The following SLC5A4 variants were observed in gnomAD, a reference collection of about 807,000 sequenced individuals.
SLC5A4 encodes solute carrier family 5 member 4.
A neutral mutation model predicts 70.3 loss-of-function variants in SLC5A4; 55 were observed. The observed-to-expected ratio is 0.78, with a 90% CI of 0.63 to 0.98. The LOEUF is 0.98. Ranked by LOEUF, SLC5A4 falls within the 50% of genes least tolerant of loss-of-function variation. The pLI, the probability that SLC5A4 is intolerant of heterozygous loss-of-function variation, is 0.00. For synonymous variants in SLC5A4, 268 were observed against 305.7 expected (o/e 0.88, Z 1.29); for missense variants, 735 against 839.2 (o/e 0.88, Z 1.53).
the SLC5A4 span, among the ~76,000 whole-genome samples, chr22:32,264,005 T>C: frequency 6.6e-6 from 1 of 151,714 alleles, no homozygotes; most frequent in Admixed American, 6.6e-5. Context: ...CAATAACACA[T>C]GAACATAGAA....
At chr22:32,347,300 T>C in the SLC5A4 span, among the ~76,000 whole-genome samples, 5 of 152,050 alleles carry the variant, frequency 3.3e-5, no homozygotes, top group Non-Finnish European at 7.4e-5. Context: ...AGTGTGGAGA[T>C]TCCTCACGGA....
chr22:32,320,359 G>A, the SLC5A4 span, among the ~76,000 whole-genome samples: 4,023 of 152,254 alleles, frequency 0.026, 52 homozygotes, highest in Admixed American at 0.035. Context: ...GCAGTCTCAC[G>A]TAACGATTAT....
the SLC5A4 span, among the ~76,000 whole-genome samples, chr22:32,306,959 A>G: frequency 0.14 from 21,930 of 152,190 alleles, 1,799 homozygotes; most frequent in East Asian, 0.33. Flanking sequence ...CAGGGTGGCC[A>G]TGTCATCCAT....
chr22:32,312,357 GCGCGCGCGCACACACACACACACACACA>G, the SLC5A4 span, among the ~76,000 whole-genome samples: 4 of 105,066 alleles, frequency 3.8e-5, no homozygotes, highest in African/African-American at 1.3e-4. Flanking sequence ...CAAATCACAC[GCGCGCGCGCACACACACACACACACACA>G]CGCACATTCA....
At chr22:32,336,166 G>A in the SLC5A4 span, among the ~76,000 whole-genome samples, 15,154 of 152,102 alleles carry the variant, frequency 0.1, 816 homozygotes, top group East Asian at 0.15. Flanking sequence ...TTGGTTTTTG[G>A]GAACATTACT....
the SLC5A4 span, among the ~76,000 whole-genome samples, chr22:32,312,743 G>C: frequency 3.3e-5 from 5 of 152,056 alleles, no homozygotes; most frequent in African/African-American, 1.2e-4. Flanking sequence ...CATCTCTGTA[G>C]AAGTTGTCCT....
At chr22:32,324,527 T>G in the SLC5A4 span, among the ~76,000 whole-genome samples, 5 of 152,050 alleles carry the variant, frequency 3.3e-5, no homozygotes, top group Non-Finnish European at 7.4e-5. Context: ...CCCTCCCCTA[T>G]CTCCACCTAG....
chr22:32,336,080 T>C, the SLC5A4 span, among the ~76,000 whole-genome samples: 3 of 152,146 alleles, frequency 2.0e-5, no homozygotes, highest in Non-Finnish European at 4.4e-5. Flanking sequence ...ACAAAGGAAA[T>C]AAATTCCTTA....
the SLC5A4 span, among the ~76,000 whole-genome samples, chr22:32,334,700 C>T: frequency 1.3e-5 from 2 of 152,340 alleles, no homozygotes; most frequent in Admixed American, 6.5e-5. Flanking sequence ...ATGCTGTCAA[C>T]GGTGAGATGT....
chr22:32,330,755 A>AGCTCTGGTGTATGTGTTGGGG, the SLC5A4 span, among the ~76,000 whole-genome samples: 3 of 48,798 alleles, frequency 6.1e-5, no homozygotes, highest in African/African-American at 1.8e-4. Flanking sequence ...GTGTGTTGGA[A>AGCTCTGGTGTATGTGTTGGGG]GCTCTGGTGT....
At chr22:32,271,784 C>A in the SLC5A4 span, 6 of 595,684 alleles carry the variant, frequency 1.0e-5, no homozygotes, top group Admixed American at 1.3e-4. Flanking sequence ...ACAGGGCAAA[C>A]TGAGGATCAG....
chr22:32,232,538 G>C (rs2123891609), intron 9 of SLC5A4, among the ~76,000 whole-genome samples: 1 of 152,238 alleles, frequency 6.6e-6, no homozygotes, highest in East Asian at 1.9e-4. Flanking sequence ...CTCAGTCAGA[G>C]ATGTCACCAA....
At chr22:32,231,799 G>A (rs1232485264) in intron 9 of SLC5A4, among the ~76,000 whole-genome samples, 1 of 151,962 alleles carries the variant, frequency 6.6e-6, no homozygotes, top group Admixed American at 6.5e-5. Flanking sequence ...CCCAAGTTTT[G>A]AGATAGTCTT....
the SLC5A4 span, among the ~76,000 whole-genome samples, chr22:32,286,236 C>A: frequency 1.8e-4 from 28 of 152,316 alleles, no homozygotes; most frequent in East Asian, 2.5e-3. Flanking sequence ...ATATTCTAAT[C>A]TGTCACTCTT....
chr22:32,270,297 C>A, the SLC5A4 span: 1 of 830,638 alleles, frequency 1.2e-6, no homozygotes, highest in Non-Finnish European at 2.1e-6. Flanking sequence ...CTGAGCCGGA[C>A]CTGGAGATTG....
At chr22:32,234,464 C>T (rs769149374) in intron 8 of SLC5A4, among the ~76,000 whole-genome samples, 1 of 151,996 alleles carries the variant, frequency 6.6e-6, no homozygotes, top group Non-Finnish European at 1.5e-5. Context: ...TTTGAGAGGC[C>T]GAGGCGGGCA....
At chr22:32,320,266 T>A in the SLC5A4 span, among the ~76,000 whole-genome samples, 22 of 152,324 alleles carry the variant, frequency 1.4e-4, no homozygotes, top group South Asian at 4.4e-3. Flanking sequence ...GCTTCACTGC[T>A]GGTGGGGGGG....
chr22:32,305,148 G>C, the SLC5A4 span, among the ~76,000 whole-genome samples: 2,136 of 151,626 alleles, frequency 0.014, 72 homozygotes, highest in Admixed American at 0.084. Context: ...CCTTAATTTG[G>C]GTTATTATGT....
chr22:32,304,131 TTTTCC>T, the SLC5A4 span, among the ~76,000 whole-genome samples: 18 of 152,342 alleles, frequency 1.2e-4, no homozygotes, highest in Middle Eastern at 3.4e-3. Context: ...CGTTGTTTCC[TTTTCC>T]TTTCTTTTTT....
Sources: gnomAD v4.1 joint callset for allele counts (sites outside exome capture counted in the v4.1 genomes callset) on GRCh38, gnomAD v4.1.1 for gene constraint, MANE v1.5 for transcripts, NCBI Gene and HGNC (gene_info 2026-07-23, HGNC 2026-07-21) for gene names.